ACSF2: variants seen among roughly 807,000 people sequenced by gnomAD.
ACSF2 encodes acyl-CoA synthetase family member 2.
Under a neutral mutation model 79.3 loss-of-function variants are expected in ACSF2, and 52 were observed. That is an observed-to-expected ratio of 0.66 (90% CI 0.53 to 0.83). ACSF2 has a LOEUF of 0.83. Among genes scored for constraint, ACSF2 ranks in the 40% least tolerant of loss-of-function variants. The probability of loss-of-function intolerance (pLI) is 0.00; values close to 1 mark genes in which losing one functional copy is unlikely to be tolerated. For synonymous variants in ACSF2, 283 were observed against 312.6 expected, an observed-to-expected ratio of 0.91 and a Z score of 1.00; for missense variants, 661 against 803.3, an observed-to-expected ratio of 0.82 and a Z score of 2.14.
intron 1 of ACSF2, among the ~76,000 whole-genome samples, chr17:50,459,901 C>T (rs1172544073): frequency 1.3e-5 from 2 of 152,212 alleles, no homozygotes; most frequent in Admixed American, 6.5e-5. Flanking sequence ...TCTTGGTGCC[C>T]CTTGCTTATC....
At position 50,471,386 on chromosome 17, in the gene ACSF2, T is replaced by A. The variant is rs754882473; in HGVS notation, c.1323+251T>A. The A allele has an allele frequency of 2.1e-4, 105 of 498,458 alleles. No homozygotes were observed. The highest frequency in any genetic ancestry group is 3.3e-4 in the Non-Finnish European group (91 of 272,360). The allele number at this position is 498,458 out of a possible 1,614,324, so 30.9% of individuals were successfully genotyped here. A position where few individuals can be genotyped will look rare whatever the true frequency, so the allele number is the denominator to read the frequency against. ...CTTCTCCGCGGCCTCCCTTCCTGTC[T>A]GAGGTGTGTTTTTGCCAAGCCCACT... On this transcript the variant is annotated intron_variant, in intron 11 of 15. Coordinates refer to ENST00000300441, the MANE Select transcript of ACSF2 (RefSeq NM_025149.6). This position sits in a 1 kb window ranked among gnomAD's most constrained non-coding sequence, Gnocchi z 4.1.
In ACSF2 at chr17:50,468,391, C is replaced by A. The variant is rs772416193; in HGVS notation, c.1216-2637C>A. The stretch of plus-strand genomic sequence containing the variant: ...AGAGGTTGACCAGCGGGGAGAGCAA[C>A]CCCCGGGGCAGCTCAGTGACCTTGT... On this transcript the variant is annotated intron_variant, in intron 10 of 15. Transcript: ENST00000300441. 3.7e-6 allele frequency: 6 copies of A among 1,614,046 alleles called. No individual in the cohort carries two copies. In the South Asian group the frequency reaches 5.5e-5, roughly 15 times the overall value.
chr17:50,463,283 C>A lies in ACSF2; in HGVS notation c.888+32C>A, dbSNP rs746031846. ...CGGCACTAGGCCCAGGGCAAGGCTG[C>A]AGGAGGGGTGGCTCAGGCAGGGGTG... is the stretch of plus-strand genomic sequence containing the variant. On this transcript the variant is annotated intron_variant, in intron 7 of 15. Transcript: ENST00000300441. This position sits in a 1 kb window ranked among gnomAD's most constrained non-coding sequence, Gnocchi z 4.6. 2 of 1,613,022 alleles carry A rather than the reference C, an allele frequency of 1.2e-6. No homozygotes were observed. Among genetic ancestry groups the A allele is most frequent in the Non-Finnish European group, 1.7e-6 (2 of 1,179,376 alleles).
chr17:50,456,070 G>A (rs2031974394), intron 1 of ACSF2, among the ~76,000 whole-genome samples: 1 of 152,112 alleles, frequency 6.6e-6, no homozygotes, highest in African/African-American at 2.4e-5. Flanking sequence ...GATATACGTG[G>A]TCTTCCCAGC....
chr17:50,440,388 G>T (rs542894244), intron 1 of ACSF2, among the ~76,000 whole-genome samples: 52 of 152,284 alleles, frequency 3.4e-4, no homozygotes, highest in Non-Finnish European at 5.4e-4. Context: ...CCCGACAGGG[G>T]CAGGGTCCAC....
intron 1 of ACSF2, among the ~76,000 whole-genome samples, chr17:50,433,132 G>C (rs1378877165): frequency 6.7e-6 from 1 of 150,262 alleles, no homozygotes; most frequent in Non-Finnish European, 1.5e-5. Context: ...TTTTGAGACG[G>C]AGTCTCGCAC....
chr17:50,465,504 A>G (rs1219705037), intron 10 of ACSF2: 1 of 1,583,122 alleles, frequency 6.3e-7, no homozygotes, highest in African/African-American at 1.4e-5. Flanking sequence ...AAGGGCAGTG[A>G]ACTATGGGGC....
chr17:50,453,279 G>A (rs1250719004), intron 1 of ACSF2, among the ~76,000 whole-genome samples: 1 of 151,652 alleles, frequency 6.6e-6, no homozygotes, highest in African/African-American at 2.4e-5. Flanking sequence ...CACAATCTCG[G>A]CTCACTGCAA....
intron 1 of ACSF2, among the ~76,000 whole-genome samples, chr17:50,435,605 T>C (rs1243448210): frequency 1.3e-5 from 2 of 149,894 alleles, no homozygotes; most frequent in East Asian, 3.9e-4. Context: ...TAGAGATGGA[T>C]GGCACTGTGT....
Position 50,436,191 on chromosome 17 carries a change from G to A in ACSF2, c.128+9802G>A, listed in dbSNP as rs910318524. Among the ~76,000 whole-genome samples, 27 of 151,796 alleles carry A rather than the reference G, an allele frequency of 1.8e-4. 1 individual carries two copies. The highest frequency in any genetic ancestry group is 4.4e-5 in the Non-Finnish European group (3 of 67,986). On this transcript the variant is annotated intron_variant, in intron 1 of 15. Transcript: ENST00000300441. ...GTTGCCCAGGCTGGAGTGCAGTGGC[G>A]CGATCTCGGCTCACTGCAACCTCCG...
At chr17:50,447,271 G>A (rs1053269692) in intron 1 of ACSF2, among the ~76,000 whole-genome samples, 10 of 152,074 alleles carry the variant, frequency 6.6e-5, no homozygotes, top group Admixed American at 6.6e-4. Flanking sequence ...CAGGTGTGGT[G>A]GCTCACTCTT....
chr17:50,465,501 G>A, intron 10 of ACSF2: 1 of 1,587,212 alleles, frequency 6.3e-7, no homozygotes, highest in Non-Finnish European at 8.6e-7. Flanking sequence ...GGGAAGGGCA[G>A]TGAACTATGG....
chr17:50,468,599 C>T lies in ACSF2; in HGVS notation c.1216-2429C>T, dbSNP rs770139945. On this transcript the variant is annotated intron_variant, in intron 10 of 15. Coordinates refer to ENST00000300441, the MANE Select transcript of ACSF2 (RefSeq NM_025149.6). ...CAATGACACGAGGTTCGGCATGGCC[C>T]GGAACGAATTGGCAGCCAGCACCGG... 3.5e-5 allele frequency: 57 copies of T among 1,614,074 alleles called. No homozygotes were observed. Among genetic ancestry groups the T allele is most frequent in the East Asian group, 4.5e-5 (2 of 44,894 alleles).
At chr17:50,464,779 GT>G in intron 10 of ACSF2, 1 of 259,842 alleles carries the variant, frequency 3.8e-6, no homozygotes. Context: ...TGGGGGGGGG[GT>G]CTCAGCAACA....
intron 1 of ACSF2, among the ~76,000 whole-genome samples, chr17:50,427,490 T>C (rs1244733836): frequency 6.6e-6 from 1 of 151,978 alleles, no homozygotes. Flanking sequence ...GGGGTCCTCT[T>C]CCCAGTGACC....
intron 10 of ACSF2, 102 bp downstream of exon 10, chr17:50,464,396 C>T: frequency 8.4e-7 from 1 of 1,191,774 alleles, no homozygotes; most frequent in South Asian, 1.2e-5. Context: ...CAAAGGAGAC[C>T]CTCTCAGCCA....
At chr17:50,456,689 G>A (rs1370276748) in intron 1 of ACSF2, among the ~76,000 whole-genome samples, 4 of 151,792 alleles carry the variant, frequency 2.6e-5, no homozygotes, top group East Asian at 3.9e-4. Context: ...CCGAGATCAC[G>A]CCATTGCACT....
intron 1 of ACSF2, among the ~76,000 whole-genome samples, chr17:50,455,572 G>A (rs1331111681): frequency 6.6e-6 from 1 of 152,146 alleles, no homozygotes; most frequent in Non-Finnish European, 1.5e-5. Context: ...GCCCCATGGG[G>A]TTGACTGCTG....
chr17:50,432,473 G>T (rs562040813), intron 1 of ACSF2, among the ~76,000 whole-genome samples: 2 of 152,330 alleles, frequency 1.3e-5, no homozygotes, highest in East Asian at 3.9e-4. Flanking sequence ...CTAAGCAAAG[G>T]TGGGGCTGCT....
Sources: gnomAD v4.1 joint callset for allele counts (sites outside exome capture counted in the v4.1 genomes callset) on GRCh38, gnomAD v4.1.1 for gene constraint, Gnocchi (gnomAD v3.1) non-coding constraint, MANE v1.5 for transcripts, NCBI Gene and HGNC (gene_info 2026-07-23, HGNC 2026-07-21) for gene names.